COL11A1: variants seen among roughly 807,000 people sequenced by gnomAD.
COL11A1 encodes collagen type XI alpha 1 chain, also known as collagen alpha-1(XI) chain.
COL11A1 carries 74 observed loss-of-function variants against 265.2 expected under a neutral mutation model. That is an observed-to-expected ratio of 0.28 (90% CI 0.23 to 0.34). The LOEUF (loss-of-function observed/expected upper bound fraction) is 0.34. Among genes scored for constraint, COL11A1 ranks in the 10% least tolerant of loss-of-function variants. COL11A1 has a pLI of 1.00. For missense variants in COL11A1, 2,165 were observed against 2,263.6 expected, an observed-to-expected ratio of 0.96 and a Z score of 0.88; for synonymous variants, 816 against 727.6, an observed-to-expected ratio of 1.12 and a Z score of -1.96.
intron 49 of COL11A1, among the ~76,000 whole-genome samples, chr1:102,916,753 G>A (rs1655383270): frequency 6.6e-6 from 1 of 151,870 alleles, no homozygotes; most frequent in African/African-American, 2.4e-5. Flanking sequence ...ATTATAAGTA[G>A]TGTGATGTGT....
At chr1:102,899,020 A>T in intron 54 of COL11A1, 26 bp from the exon 55 acceptor site, 1 of 1,387,942 alleles carries the variant, frequency 7.2e-7, no homozygotes, top group Non-Finnish European at 9.9e-7. Flanking sequence ...TTATTGTAAA[A>T]TATGTATCAC....
intron 4 of COL11A1, among the ~76,000 whole-genome samples, chr1:103,035,961 A>G (rs574579807): frequency 6.6e-6 from 1 of 152,058 alleles, no homozygotes; most frequent in African/African-American, 2.4e-5. Flanking sequence ...AACAATTCAG[A>G]ACACTGAGTA....
At chr1:103,009,452 G>A (rs758495261) in intron 14 of COL11A1, among the ~76,000 whole-genome samples, 3 of 151,890 alleles carry the variant, frequency 2.0e-5, no homozygotes, top group Non-Finnish European at 2.9e-5. Context: ...AATGTAAAAG[G>A]TGTAACAACA....
intron 41 of COL11A1, among the ~76,000 whole-genome samples, chr1:102,951,383 A>T (rs1182111653): frequency 1.3e-5 from 2 of 152,214 alleles, no homozygotes; most frequent in Non-Finnish European, 2.9e-5. Flanking sequence ...TATGTATGCA[A>T]ACATGTTGAA....
Position 103,053,449 on chromosome 1 carries a change from A to G in COL11A1, c.651+21169T>C, listed in dbSNP as rs541329738. Among the ~76,000 whole-genome samples the G allele has an allele frequency of 4.6e-5, 7 of 152,334 alleles. No individual in the cohort carries two copies. The East Asian group carries it at 1.4e-3, about 29-fold the overall frequency. ...TAGTAAAGTACAGTAGCATCTAGAA[A>G]GGAGAACTGAGAAAATCCATTTCAA... is the stretch of plus-strand genomic sequence containing the variant. On this transcript the variant is annotated intron_variant, in intron 4 of 66. Transcript: ENST00000370096.
chr1:103,026,813 G>T (rs1472366802), intron 5 of COL11A1, among the ~76,000 whole-genome samples: 1 of 151,956 alleles, frequency 6.6e-6, no homozygotes, highest in Non-Finnish European at 1.5e-5. Flanking sequence ...CATATCTATT[G>T]AGAGACGGGA....
At chr1:103,001,561 C>A in intron 24 of COL11A1, 1 of 457,144 alleles carries the variant, frequency 2.2e-6, no homozygotes, top group South Asian at 6.1e-5. Flanking sequence ...TTCATCATGT[C>A]TTCCTACAAA....
At chr1:102,950,769 T>C (rs755625280) in intron 41 of COL11A1, among the ~76,000 whole-genome samples, 1 of 152,162 alleles carries the variant, frequency 6.6e-6, no homozygotes, top group Non-Finnish European at 1.5e-5. Context: ...TTAGGCTTTG[T>C]GTCCCCACCC....
At chr1:102,999,789 G>C (rs564073615) in intron 24 of COL11A1, among the ~76,000 whole-genome samples, 2 of 151,776 alleles carry the variant, frequency 1.3e-5, no homozygotes, top group Admixed American at 1.3e-4. Context: ...TTTTCGAAGC[G>C]AAGGCTCTTG....
At chr1:103,001,291 T>G in intron 24 of COL11A1, 1 of 395,354 alleles carries the variant, frequency 2.5e-6, no homozygotes, top group Non-Finnish European at 4.5e-6. Flanking sequence ...AGCTATTAGT[T>G]TTTTTTAATT....
Position 103,005,827 on chromosome 1 carries a change from A to C in COL11A1, c.1845+11T>G, listed in dbSNP as rs201513205. ...ACATTCCCTGGAAAAAAAGGAATAG[A>C]TGTATCTTACCCTGTGACCTTTGTC... is the stretch of plus-strand genomic sequence containing the variant. On this transcript the variant is annotated intron_variant, in intron 18 of 66. Transcript: ENST00000370096. The C allele has an allele frequency of 8.1e-5, 130 of 1,613,952 alleles. No homozygotes were observed. The East Asian group carries it at 2.9e-3, about 36-fold the overall frequency.
rs770068796 is a variant in COL11A1 at position 103,015,634 on chromosome 1, T to A, written c.1488+34A>T. The A allele has an allele frequency of 2.7e-6, 4 of 1,468,114 alleles. No homozygotes were observed. In the Admixed American group the frequency reaches 7.0e-5, roughly 26 times the overall value. 90.9% of individuals were successfully genotyped at this position (1,468,114 alleles called of 1,614,324 possible). A position where few individuals can be genotyped will look rare whatever the true frequency, so the allele number is the denominator to read the frequency against. On this transcript the variant is annotated intron_variant, in intron 12 of 66. Coordinates refer to ENST00000370096, the MANE Select transcript of COL11A1 (RefSeq NM_001854.4). ...ACTTCAGAAAAAAGATGACAAGATA[T>A]CAAGTCATCTCTATAACATAAAAAA...
intron 12 of COL11A1, 128 bp downstream of exon 12, chr1:103,015,540 T>A (rs1666492910): frequency 1.5e-6 from 1 of 660,686 alleles, no homozygotes; most frequent in Non-Finnish European, 2.5e-6. Context: ...AAATGCTGCT[T>A]AATTTCAAGT....
rs2615978 is a variant in COL11A1, at chr1:102,984,042, G to C, written c.2556+96C>G. The C allele has an allele frequency of 0.96, 875,804 of 911,226 alleles. 421,257 individuals are homozygous for C. The highest frequency in any genetic ancestry group is 1 in the East Asian group (38,877 of 38,878). 56.4% of individuals were successfully genotyped at this position (911,226 alleles called of 1,614,324 possible). A position where few individuals can be genotyped will look rare whatever the true frequency, so the allele number is the denominator to read the frequency against. ...TGTGAAATTATTTTTAAGTACTCAT[G>C]ATAATATAGAGATGTTACAAATTGT... On this transcript the variant is annotated intron_variant, in intron 31 of 66. Coordinates refer to ENST00000370096, the MANE Select transcript of COL11A1 (RefSeq NM_001854.4).
intron 1 of COL11A1, among the ~76,000 whole-genome samples, chr1:103,103,808 A>T (rs1674483769): frequency 6.6e-6 from 1 of 151,964 alleles, no homozygotes; most frequent in African/African-American, 2.4e-5. Flanking sequence ...TTAAATGTCA[A>T]TTTTTTCCTG....
At chr1:102,946,782 A>AC in intron 42 of COL11A1, 67 bp downstream of exon 42, 1 of 1,258,432 alleles carries the variant, frequency 7.9e-7, no homozygotes. Flanking sequence ...AGCTAATATT[A>AC]TTGAATAAAA....
intron 31 of COL11A1, chr1:102,979,661 T>A (rs1662849302): frequency 1.6e-6 from 1 of 610,662 alleles, no homozygotes; most frequent in Non-Finnish European, 3.0e-6. Flanking sequence ...GTTTTTAACC[T>A]TCTGAGTAAA....
In COL11A1 at chr1:103,025,771, A is replaced by G. The variant is rs753252754; in HGVS notation, c.898-158T>C. The G allele has an allele frequency of 1.9e-6, 3 of 1,610,970 alleles. No homozygotes were observed. The Admixed American group carries it at 5.0e-5, about 27-fold the overall frequency. On this transcript the variant is annotated intron_variant, in intron 6 of 66. Transcript: ENST00000370096. ...TCAGAGATCTTCCAGCTTATCTAGGATAGATCTTGATTGCTTTTTCTTCGC... is the reference window on the plus strand; with the variant it reads ...TCAGAGATCTTCCAGCTTATCTAGGGTAGATCTTGATTGCTTTTTCTTCGC...
intron 46 of COL11A1, among the ~76,000 whole-genome samples, chr1:102,928,692 C>A (rs1158720680): frequency 1.4e-5 from 2 of 148,144 alleles, no homozygotes; most frequent in East Asian, 2.0e-4. Context: ...AATGGTTGAA[C>A]TAGTGTACAG....
Sources: gnomAD v4.1 joint callset for allele counts (sites outside exome capture counted in the v4.1 genomes callset) on GRCh38, gnomAD v4.1.1 for gene constraint, MANE v1.5 for transcripts, NCBI Gene and HGNC (gene_info 2026-07-23, HGNC 2026-07-21) for gene names.